Variants in ATE1 observed in about 807,000 individuals in gnomAD.
ATE1 encodes arginyl-tRNA--protein transferase 1.
A neutral mutation model predicts 70.5 loss-of-function variants in ATE1; 36 were observed. The ratio of observed to expected loss-of-function variants is 0.51; its 90% CI spans 0.39 to 0.67. ATE1 has a LOEUF of 0.67. Ranked by LOEUF, ATE1 falls within the 30% of genes least tolerant of loss-of-function variation. The pLI is 0.00. For missense variants in ATE1, 593 were observed against 629.5 expected (o/e 0.94, Z 0.62); for synonymous variants, 232 against 219.3 (o/e 1.06, Z -0.51).
At chr10:121,776,889 T>C (rs1248571786) in intron 11 of ATE1, among the ~76,000 whole-genome samples, 1 of 152,076 alleles carries the variant, frequency 6.6e-6, no homozygotes, top group African/African-American at 2.4e-5. Context: ...ATCACAACAG[T>C]GAGGAAGAGA....
At chr10:121,797,746 G>T (rs1273058679) in intron 10 of ATE1, among the ~76,000 whole-genome samples, 1 of 152,054 alleles carries the variant, frequency 6.6e-6, no homozygotes, top group Non-Finnish European at 1.5e-5. Context: ...CACATGCTAG[G>T]CCTGCTCCCA....
chr10:121,907,481 A>T (rs951234387), intron 5 of ATE1, among the ~76,000 whole-genome samples: 5 of 151,278 alleles, frequency 3.3e-5, no homozygotes, highest in African/African-American at 4.9e-5. Context: ...ATAAAGAAAA[A>T]GATTAAAATG....
At chr10:121,919,367 T>C (rs1951788336) in intron 3 of ATE1, among the ~76,000 whole-genome samples, 2 of 151,980 alleles carry the variant, frequency 1.3e-5, no homozygotes, top group South Asian at 4.2e-4. Context: ...GAGACCAGCT[T>C]GGCCAACATG....
intron 8 of ATE1, among the ~76,000 whole-genome samples, chr10:121,858,121 T>C (rs1949316526): frequency 6.6e-6 from 1 of 152,236 alleles, no homozygotes; most frequent in Admixed American, 6.5e-5. Context: ...TACCTTTGGC[T>C]ACTGTGAATG....
At chr10:121,801,580 C>T (rs1946881191) in intron 10 of ATE1, among the ~76,000 whole-genome samples, 1 of 152,026 alleles carries the variant, frequency 6.6e-6, no homozygotes, top group African/African-American at 2.4e-5. Flanking sequence ...AAACTCTAAG[C>T]CTCTTTAGTT....
At chr10:121,849,449 A>T (rs1948971948) in intron 8 of ATE1, among the ~76,000 whole-genome samples, 1 of 152,144 alleles carries the variant, frequency 6.6e-6, no homozygotes, top group East Asian at 1.9e-4. Flanking sequence ...GTCCAGTCAT[A>T]ACCAGTTTGT....
intron 11 of ATE1, among the ~76,000 whole-genome samples, chr10:121,785,867 G>T (rs1234531355): frequency 2.0e-5 from 3 of 151,818 alleles, no homozygotes; most frequent in South Asian, 4.2e-4. Flanking sequence ...AAAATAAATT[G>T]TAAGATTTTT....
intron 8 of ATE1, among the ~76,000 whole-genome samples, chr10:121,856,456 G>C (rs1232859594): frequency 1.3e-5 from 2 of 152,172 alleles, no homozygotes; most frequent in Non-Finnish European, 2.9e-5. Flanking sequence ...CTTGAACCCA[G>C]GAGGAGGAGG....
At chr10:121,785,060 C>T (rs985287193) in intron 11 of ATE1, among the ~76,000 whole-genome samples, 24 of 152,146 alleles carry the variant, frequency 1.6e-4, no homozygotes, top group Middle Eastern at 3.2e-3. Context: ...ACAAGTGATT[C>T]TACTTCCAGC....
In ATE1 at chr10:121,794,820, G is replaced by A. The variant is rs114483202; in HGVS notation, c.1258-4531C>T. Among the ~76,000 whole-genome samples the A allele has an allele frequency of 7.9e-3, 1,195 of 152,156 alleles. 14 individuals carry two copies. Among genetic ancestry groups the A allele is most frequent in the African/African-American group, 0.028 (1,154 of 41,502 alleles). ...ATCGAGGGTGGAGATGGGGGTGATC[G>A]GACATCAACTTTTGAGTCCTTAAGG... On this transcript the variant is annotated intron_variant, in intron 10 of 11. Transcript: ENST00000224652.
At chr10:121,866,783 C>T (rs1026228448) in intron 8 of ATE1, among the ~76,000 whole-genome samples, 15 of 148,132 alleles carry the variant, frequency 1.0e-4, no homozygotes, top group African/African-American at 3.5e-4. Flanking sequence ...AAGGCAGAGG[C>T]TGCAGTATGC....
At chr10:121,883,742 G>A (rs2134132717) in intron 7 of ATE1, among the ~76,000 whole-genome samples, 1 of 152,140 alleles carries the variant, frequency 6.6e-6, no homozygotes, top group East Asian at 1.9e-4. Flanking sequence ...ACTCACTGAT[G>A]TCAATCACTC....
chr10:121,908,121 A>G (rs550860247), intron 5 of ATE1, among the ~76,000 whole-genome samples: 2 of 152,368 alleles, frequency 1.3e-5, no homozygotes, highest in African/African-American at 4.8e-5. Context: ...GTTCAGATCC[A>G]TGAGTTCCCA....
At chr10:121,864,831 T>C (rs1365054973) in intron 8 of ATE1, among the ~76,000 whole-genome samples, 1 of 152,164 alleles carries the variant, frequency 6.6e-6, no homozygotes, top group African/African-American at 2.4e-5. Flanking sequence ...TGGAGACATT[T>C]TGTTGCAACT....
intron 10 of ATE1, among the ~76,000 whole-genome samples, chr10:121,806,176 C>T (rs1242311996): frequency 4.6e-5 from 7 of 152,170 alleles, no homozygotes; most frequent in African/African-American, 7.2e-5. Context: ...GCAGGTTGGA[C>T]GCAGTGGCTT....
chr10:121,905,532 C>T (rs751898069), intron 5 of ATE1, among the ~76,000 whole-genome samples: 3 of 152,078 alleles, frequency 2.0e-5, no homozygotes, highest in South Asian at 2.1e-4. Context: ...ATAAATACTA[C>T]GTTACTACAG....
chr10:121,880,632 A>G (rs1950198453), intron 7 of ATE1, among the ~76,000 whole-genome samples: 1 of 151,350 alleles, frequency 6.6e-6, no homozygotes, highest in African/African-American at 2.4e-5. Context: ...CTATTTTTAC[A>G]TATTCTTAAG....
chr10:121,752,102 C>T (rs1434007351), intron 11 of ATE1, among the ~76,000 whole-genome samples: 8 of 149,796 alleles, frequency 5.3e-5, no homozygotes, highest in Admixed American at 4.7e-4. Context: ...GAGGCTGAGG[C>T]AGGAGAATGG....
intron 10 of ATE1, among the ~76,000 whole-genome samples, chr10:121,794,921 G>A (rs1946603232): frequency 6.6e-6 from 1 of 152,150 alleles, no homozygotes; most frequent in African/African-American, 2.4e-5. Context: ...CCTGAATCCA[G>A]TGCCTAGATT....
Sources: gnomAD v4.1 joint callset for allele counts (sites outside exome capture counted in the v4.1 genomes callset) on GRCh38, gnomAD v4.1.1 for gene constraint, MANE v1.5 for transcripts, NCBI Gene and HGNC (gene_info 2026-07-23, HGNC 2026-07-21) for gene names.